Variants in P3H2 observed in about 807,000 individuals in gnomAD.
P3H2 encodes prolyl 3-hydroxylase 2.
Under a neutral mutation model 87.0 loss-of-function variants are expected in P3H2, and 80 were observed. The observed-to-expected ratio is 0.92, with a 90% confidence interval of 0.77 to 1.11. The LOEUF is 1.11. Among genes scored for constraint, P3H2 ranks in the 50% least tolerant of loss-of-function variants. The pLI is 0.00. For missense variants in P3H2, 1,001 were observed against 923.9 expected, an observed-to-expected ratio of 1.08 and a Z score of -1.08; for synonymous variants, 367 against 359.3, an observed-to-expected ratio of 1.02 and a Z score of -0.24.
chr3:190,043,902 T>C (rs1725719861), intron 1 of P3H2, among the ~76,000 whole-genome samples: 1 of 152,206 alleles, frequency 6.6e-6, no homozygotes, highest in Non-Finnish European at 1.5e-5. Context: ...CTTAAAATCA[T>C]GCTTTTATTA....
At chr3:190,007,965 CATATAT>C (rs1553875103) in intron 1 of P3H2, among the ~76,000 whole-genome samples, 1 of 94,346 alleles carries the variant, frequency 1.1e-5, no homozygotes, top group South Asian at 4.1e-4. Context: ...TGTTGACACA[CATATAT>C]ATATATATAT....
chr3:190,019,476 T>C (rs1338013495), intron 1 of P3H2, among the ~76,000 whole-genome samples: 1 of 152,310 alleles, frequency 6.6e-6, no homozygotes, highest in East Asian at 1.9e-4. Flanking sequence ...GACTAAATCA[T>C]ATCCCTTTAT....
At chr3:190,010,107 A>T (rs1560360799) in intron 1 of P3H2, among the ~76,000 whole-genome samples, 1 of 152,218 alleles carries the variant, frequency 6.6e-6, no homozygotes, top group Admixed American at 6.5e-5. Context: ...TGGTGAGTAT[A>T]TGCGTGTATG....
chr3:190,053,160 G>T (rs765371995), intron 1 of P3H2, among the ~76,000 whole-genome samples: 2 of 152,030 alleles, frequency 1.3e-5, no homozygotes, highest in Non-Finnish European at 2.9e-5. Context: ...GTTGAGGGCC[G>T]CTTGTTTCCA....
At chr3:190,031,439 ACG>A (rs1491130364) in intron 1 of P3H2, among the ~76,000 whole-genome samples, 1 of 55,984 alleles carries the variant, frequency 1.8e-5, no homozygotes, top group African/African-American at 6.4e-5. Context: ...GGAGTTCGAG[ACG>A]AGTCTGGCCA....
rs1722654820 is a variant in P3H2 at position 189,957,044 on chromosome 3, C to T, written c.*868G>A. On this transcript the variant is annotated 3_prime_UTR_variant, in exon 15 of 15. Coordinates refer to ENST00000319332, the MANE Select transcript of P3H2 (RefSeq NM_018192.4). ...TTATAGGACAGTCCTTTCTGGAGTA[C>T]TGTGGAGGGTGAATCAAAGCTTCCA... The T allele has an allele frequency of 1.8e-5, 7 of 398,288 alleles. No individual in the cohort carries two copies. Among genetic ancestry groups the T allele is most frequent in the Non-Finnish European group, 2.2e-5 (5 of 225,984 alleles). The allele number at this position is 398,288 out of a possible 1,614,324, so 24.7% of individuals were successfully genotyped here. A position where few individuals can be genotyped will look rare whatever the true frequency, so the allele number is the denominator to read the frequency against.
chr3:189,985,797 T>C (rs1723677421), intron 6 of P3H2, among the ~76,000 whole-genome samples: 1 of 151,910 alleles, frequency 6.6e-6, no homozygotes, highest in African/African-American at 2.4e-5. Context: ...AAATCAGAAA[T>C]AATTCAAATG....
At chr3:190,110,567 T>C (rs536405252) in intron 1 of P3H2, among the ~76,000 whole-genome samples, 1 of 152,370 alleles carries the variant, frequency 6.6e-6, no homozygotes, top group South Asian at 2.1e-4. Flanking sequence ...CTGGATTTCA[T>C]ATGAAAATAT....
intron 1 of P3H2, among the ~76,000 whole-genome samples, chr3:190,088,304 C>T (rs114470325): frequency 2.6e-3 from 393 of 152,252 alleles, no homozygotes; most frequent in South Asian, 0.01. Context: ...ATTCCCTTGG[C>T]AATATTAAGT....
intron 1 of P3H2, among the ~76,000 whole-genome samples, chr3:190,093,940 T>C (rs1727492223): frequency 6.6e-6 from 1 of 152,176 alleles, no homozygotes; most frequent in Non-Finnish European, 1.5e-5. Flanking sequence ...TTTTACATGA[T>C]AAAAATTTCA....
chr3:190,057,955 A>G (rs1726210692), intron 1 of P3H2, among the ~76,000 whole-genome samples: 1 of 152,076 alleles, frequency 6.6e-6, no homozygotes. Context: ...GTACTCATTA[A>G]TGAGAAAAAA....
In P3H2 at chr3:190,021,208, C is replaced by T. The variant is rs1490080513; in HGVS notation, c.481-25766G>A. 1.5e-5 allele frequency among the ~76,000 whole-genome samples: 2 copies of T among 134,582 alleles called. 1 individual carries two copies. The highest frequency in any genetic ancestry group is 3.3e-5 in the Non-Finnish European group (2 of 60,382). The allele number at this position is 134,582 out of a possible 152,430, so 88.3% of individuals were successfully genotyped here. A position where few individuals can be genotyped will look rare whatever the true frequency, so the allele number is the denominator to read the frequency against. ...AAAATTAATAAAACAACAAAAAGTG[C>T]TTGCGAGGTTCCAGAGATTTTTCAC... On this transcript the variant is annotated intron_variant, in intron 1 of 14. Transcript: ENST00000319332.
chr3:190,093,624 G>A (rs535569006), intron 1 of P3H2, among the ~76,000 whole-genome samples: 19 of 152,224 alleles, frequency 1.2e-4, no homozygotes, highest in Admixed American at 6.5e-5. Context: ...AGTCATCAAA[G>A]GTGTCCAGGA....
At chr3:189,963,836 AT>A (rs538759092) in intron 14 of P3H2, 121 bp downstream of exon 14, 711 of 927,534 alleles carry the variant, frequency 7.7e-4, no homozygotes, top group Non-Finnish European at 8.4e-4. Flanking sequence ...ACTAGAACAT[AT>A]CTGATTAAGA....
intron 1 of P3H2, among the ~76,000 whole-genome samples, chr3:190,026,241 T>C (rs1042316181): frequency 3.9e-4 from 59 of 152,160 alleles, no homozygotes; most frequent in Non-Finnish European, 7.4e-5. Context: ...CTCTTTCTTA[T>C]AGTATTGTTG....
intron 1 of P3H2, among the ~76,000 whole-genome samples, chr3:190,110,613 ATT>A (rs1712034900): frequency 6.6e-6 from 1 of 152,204 alleles, no homozygotes; most frequent in African/African-American, 2.4e-5. Flanking sequence ...TGGAGAAATA[ATT>A]TGTATGGTCT....
chr3:189,966,131 GAAAGAAAGAAAGAAAGAA>G, intron 13 of P3H2, among the ~76,000 whole-genome samples: 1 of 51,266 alleles, frequency 2.0e-5, no homozygotes, highest in Non-Finnish European at 4.4e-5. Context: ...GAAAAAGAAA[GAAAGAAAGAAAGAAAGAA>G]AGAAAGAAAG....
intron 14 of P3H2, among the ~76,000 whole-genome samples, chr3:189,958,644 C>T (rs1198250397): frequency 6.6e-6 from 1 of 151,930 alleles, no homozygotes; most frequent in African/African-American, 2.4e-5. Context: ...TAACAACCTC[C>T]CCCACCAACC....
At chr3:189,981,547 C>A (rs1441742067) in intron 8 of P3H2, among the ~76,000 whole-genome samples, 1 of 152,144 alleles carries the variant, frequency 6.6e-6, no homozygotes, top group Non-Finnish European at 1.5e-5. Context: ...ATCCTACAAC[C>A]CATTAGCCAC....
Sources: gnomAD v4.1 joint callset for allele counts (sites outside exome capture counted in the v4.1 genomes callset) on GRCh38, gnomAD v4.1.1 for gene constraint, MANE v1.5 for transcripts, NCBI Gene and HGNC (gene_info 2026-07-23, HGNC 2026-07-21) for gene names.